The following HSD17B11 variants were observed in gnomAD, a reference collection of about 807,000 sequenced individuals.
HSD17B11 encodes the protein estradiol 17-beta-dehydrogenase 11.
In HSD17B11, 22 loss-of-function variants were observed where a neutral mutation model predicts 27.8. The observed-to-expected ratio is 0.79, with a 90% CI of 0.56 to 1.13. HSD17B11 has a LOEUF of 1.13. Among genes scored for constraint, HSD17B11 ranks in the 50% most tolerant of loss-of-function variants. The pLI is 0.00. For missense variants in HSD17B11, 314 were observed against 351.1 expected (o/e 0.89, Z 0.84); for synonymous variants, 117 against 132.8 (o/e 0.88, Z 0.82).
At position 87,386,204 on chromosome 4, in the gene HSD17B11, C is replaced by CTT. The variant is rs58328540; in HGVS notation, c.211-3844_211-3843dup. ...TTTCCACACCTTCTGAATTGTGAAA[C>CTT]TTTTTTTTTTTTTTCTGAGATGGAG... On this transcript the variant is annotated intron_variant, in intron 1 of 6. Transcript: ENST00000358290. 5.1e-3 allele frequency among the ~76,000 whole-genome samples: 741 copies of CTT among 143,998 alleles called. 5 individuals are homozygous for CTT. The highest frequency in any genetic ancestry group is 0.012 in the African/African-American group (452 of 38,800). The allele number at this position is 143,998 out of a possible 152,430, so 94.5% of individuals were successfully genotyped here. A position where few individuals can be genotyped will look rare whatever the true frequency, so the allele number is the denominator to read the frequency against.
intron 2 of HSD17B11, among the ~76,000 whole-genome samples, chr4:87,379,199 A>T (rs962575161): frequency 2.7e-5 from 4 of 148,568 alleles, no homozygotes; most frequent in Non-Finnish European, 4.4e-5. Flanking sequence ...TCAGGTGACC[A>T]TGTTGCCCAG....
At chr4:87,339,182 G>A (rs551912887) in intron 6 of HSD17B11, among the ~76,000 whole-genome samples, 84 of 152,304 alleles carry the variant, frequency 5.5e-4, no homozygotes, top group African/African-American at 1.9e-3. Context: ...TGCGATCACT[G>A]AGTGCATACT....
chr4:87,368,016 C>G (rs2110122633), intron 4 of HSD17B11, among the ~76,000 whole-genome samples: 1 of 152,282 alleles, frequency 6.6e-6, no homozygotes. Context: ...GATATCACCT[C>G]TTGTCAAAAC....
At chr4:87,360,051 A>G (rs1264487670) in intron 4 of HSD17B11, among the ~76,000 whole-genome samples, 1 of 152,250 alleles carries the variant, frequency 6.6e-6, no homozygotes, top group Non-Finnish European at 1.5e-5. Context: ...AAAATGATTT[A>G]CTTTAGGAAT....
intron 1 of HSD17B11, among the ~76,000 whole-genome samples, chr4:87,385,362 A>G (rs1720281627): frequency 6.6e-6 from 1 of 152,186 alleles, no homozygotes; most frequent in Non-Finnish European, 1.5e-5. Context: ...TATATGCAGT[A>G]CCCAGAGTAT....
intron 1 of HSD17B11, among the ~76,000 whole-genome samples, chr4:87,384,579 G>A (rs757657305): frequency 1.3e-5 from 2 of 151,990 alleles, no homozygotes; most frequent in Admixed American, 6.6e-5. Flanking sequence ...GCATTCCTAC[G>A]GGGAGGTCTA....
intron 4 of HSD17B11, among the ~76,000 whole-genome samples, chr4:87,360,086 C>T (rs978907958): frequency 6.6e-6 from 1 of 151,894 alleles, no homozygotes; most frequent in African/African-American, 2.4e-5. Context: ...CAAAGTAAAA[C>T]AAGACGGAAT....
At chr4:87,356,720 T>C (rs1735394381) in intron 5 of HSD17B11, among the ~76,000 whole-genome samples, 1 of 152,248 alleles carries the variant, frequency 6.6e-6, no homozygotes, top group Non-Finnish European at 1.5e-5. Flanking sequence ...TTAAAAATTA[T>C]CTTCAAATTA....
intron 2 of HSD17B11, among the ~76,000 whole-genome samples, chr4:87,380,183 G>T (rs902646431): frequency 6.7e-6 from 1 of 149,686 alleles, no homozygotes; most frequent in African/African-American, 2.4e-5. Context: ...CAAAATATCT[G>T]ATTCTCAGCT....
intron 5 of HSD17B11, among the ~76,000 whole-genome samples, chr4:87,352,830 G>A (rs10049876): frequency 3.0e-5 from 1 of 33,262 alleles, no homozygotes; most frequent in Non-Finnish European, 5.6e-5. Context: ...GTGGTGCGCC[G>A]TTTCTTAAGC....
intron 1 of HSD17B11, among the ~76,000 whole-genome samples, chr4:87,383,275 G>A (rs906166061): frequency 2.6e-5 from 4 of 152,098 alleles, no homozygotes; most frequent in African/African-American, 4.8e-5. Context: ...AATGAATGAG[G>A]AGCCACTGAT....
In HSD17B11 at chr4:87,374,791, T is replaced by C; in HGVS notation, c.358A>G (p.Asn120Asp). 1 of 1,587,924 alleles carries C rather than the reference T, an allele frequency of 6.3e-7. No homozygotes were observed. The highest frequency in any genetic ancestry group is 8.6e-7 in the Non-Finnish European group (1 of 1,168,348). ...EIGDVSILVN[N>D]AGVVYTSDLF... is the part of the protein sequence containing the mutation. ...TCTGATGTATAGACTACACCAGCAT[T>C]ATTTACTAAAATACTAACATCTCCA... Residue 120 changes from asparagine (N) to aspartate (D), a missense_variant, in exon 3 of 7, where the codon AAT becomes GAT. Asn to Asp is a conservative substitution (Grantham distance 23, BLOSUM62 1). Coordinates refer to ENST00000358290, the MANE Select transcript of HSD17B11 (RefSeq NM_016245.5).
intron 4 of HSD17B11, among the ~76,000 whole-genome samples, chr4:87,367,636 A>G (rs573709922): frequency 1.3e-5 from 2 of 152,384 alleles, no homozygotes; most frequent in African/African-American, 2.4e-5. Flanking sequence ...AGAGAATATT[A>G]TATTTCAAGA....
intron 4 of HSD17B11, among the ~76,000 whole-genome samples, chr4:87,362,558 T>A (rs563102272): frequency 6.6e-6 from 1 of 151,868 alleles, no homozygotes. Flanking sequence ...ATAAATAAAA[T>A]GAATAAGATT....
intron 4 of HSD17B11, chr4:87,365,806 A>G (rs1158875803): frequency 2.6e-5 from 4 of 152,004 alleles, no homozygotes; most frequent in East Asian, 3.9e-4. Flanking sequence ...TGCCTAGATT[A>G]AAGTGTTAAA....
intron 4 of HSD17B11, among the ~76,000 whole-genome samples, chr4:87,357,837 CAA>C (rs748060505): frequency 1.3e-4 from 19 of 151,400 alleles, no homozygotes; most frequent in East Asian, 9.7e-4. Context: ...TTCACTTCCT[CAA>C]AGAGGCCTTT....
Position 87,337,338 on chromosome 4 carries a change from A to C in HSD17B11, c.841T>G (p.Leu281Val), listed in dbSNP as rs746516378. The stretch of plus-strand genomic sequence containing the variant: ...AACTTAACACTGATTTTTCGTTTTA[A>C]AACTGCCAGGAAACGCTCAGGAAGG... The part of the protein sequence containing the change: ...RILPERFLAV[L>V]KRKISVKFDA... Residue 281 changes from leucine (L) to valine (V), a missense_variant, in exon 7 of 7, where the codon TTA becomes GTA. By Grantham distance (32) the Leu-to-Val change is conservative. Transcript: ENST00000358290. The C allele has an allele frequency of 1.2e-6, 2 of 1,601,728 alleles. No individual in the cohort carries two copies. The highest frequency in any genetic ancestry group is 3.3e-5 in the Admixed American group (2 of 59,836).
At chr4:87,364,243 A>G (rs1735576504) in intron 4 of HSD17B11, among the ~76,000 whole-genome samples, 1 of 151,396 alleles carries the variant, frequency 6.6e-6, no homozygotes, top group Admixed American at 6.6e-5. Flanking sequence ...GGGAAAAACA[A>G]AGGCAGCACC....
intron 2 of HSD17B11, among the ~76,000 whole-genome samples, chr4:87,376,430 A>C (rs1009122383): frequency 1.4e-5 from 2 of 143,158 alleles, no homozygotes; most frequent in African/African-American, 5.2e-5. Context: ...GCTTGAACCC[A>C]GGAGGCGGAG....
Sources: gnomAD v4.1 joint callset for allele counts (sites outside exome capture counted in the v4.1 genomes callset) on GRCh38, gnomAD v4.1.1 for gene constraint, MANE v1.5 for transcripts, NCBI Gene and HGNC (gene_info 2026-07-23, HGNC 2026-07-21) for gene names.